The following FARP1 variants were observed in gnomAD, a reference collection of about 807,000 sequenced individuals.
The protein encoded by FARP1 is FERM, ARHGEF and pleckstrin domain-containing protein 1.
A neutral mutation model predicts 128.8 loss-of-function variants in FARP1; 52 were observed. The ratio of observed to expected loss-of-function variants is 0.40; its 90% CI spans 0.32 to 0.51. FARP1 has a LOEUF of 0.51. Ranked by LOEUF, FARP1 falls within the 20% of genes least tolerant of loss-of-function variation. The pLI is 0.45. For missense variants in FARP1, 1,333 were observed against 1,367.9 expected, an observed-to-expected ratio of 0.97 and a Z score of 0.40; for synonymous variants, 580 against 551.8, an observed-to-expected ratio of 1.05 and a Z score of -0.72.
At chr13:98,245,216 A>G in intron 2 of FARP1, 1 of 985,698 alleles carries the variant, frequency 1.0e-6, no homozygotes, top group Non-Finnish European at 1.2e-6. Context: ...AGAAATCTAC[A>G]GTAATTTTTG....
rs757091571 is a variant in FARP1 at position 98,431,025 on chromosome 13, C to T, written c.1906-18C>T. ...CCATTCAGCTGAACAGGACCCTCCT[C>T]CTCTGTTGCCTCCCAAGCACCTGGC... On this transcript the variant is annotated intron_variant, in intron 17 of 26. Transcript: ENST00000319562. The T allele has an allele frequency of 1.9e-6, 3 of 1,576,324 alleles. No individual in the cohort carries two copies. Among genetic ancestry groups the T allele is most frequent in the East Asian group, 2.2e-5 (1 of 44,706 alleles).
chr13:98,246,189 G>A (rs1242152821), intron 2 of FARP1, among the ~76,000 whole-genome samples: 1 of 144,072 alleles, frequency 6.9e-6, no homozygotes, highest in Admixed American at 7.2e-5. Context: ...CCGCCCCCTG[G>A]GGTTCACGCC....
At chr13:98,264,812 T>C (rs551690941) in intron 2 of FARP1, among the ~76,000 whole-genome samples, 14 of 152,292 alleles carry the variant, frequency 9.2e-5, no homozygotes, top group African/African-American at 3.4e-4. Flanking sequence ...ATAATAAGAA[T>C]TACTAATATC....
intron 2 of FARP1, among the ~76,000 whole-genome samples, chr13:98,283,085 GACTTTATGTGC>G (rs1339449841): frequency 6.6e-6 from 1 of 152,042 alleles, no homozygotes; most frequent in Non-Finnish European, 1.5e-5. Flanking sequence ...TATAATGAAG[GACTTTATGTGC>G]ACTTGAGCGA....
chr13:98,253,981 G>A (rs1594324884), intron 2 of FARP1, among the ~76,000 whole-genome samples: 1 of 152,158 alleles, frequency 6.6e-6, no homozygotes, highest in East Asian at 1.9e-4. Context: ...ACAAAGTGGG[G>A]CTCATCGCAT....
intron 3 of FARP1, among the ~76,000 whole-genome samples, chr13:98,344,083 A>G (rs1293367768): frequency 2.0e-5 from 3 of 152,216 alleles, no homozygotes; most frequent in Non-Finnish European, 4.4e-5. Flanking sequence ...GCCAAGGGCT[A>G]TGTATCGGCC....
At chr13:98,278,265 G>A (rs1884762524) in intron 2 of FARP1, among the ~76,000 whole-genome samples, 1 of 150,928 alleles carries the variant, frequency 6.6e-6, no homozygotes, top group South Asian at 2.1e-4. Context: ...GTGTGTGTAT[G>A]TGTATATTTT....
intron 1 of FARP1, among the ~76,000 whole-genome samples, chr13:98,200,140 G>T (rs762345553): frequency 1.3e-5 from 2 of 152,190 alleles, no homozygotes; most frequent in Non-Finnish European, 2.9e-5. Flanking sequence ...ATTGGAAAAG[G>T]CATGCCACTT....
chr13:98,153,558 T>TTATA (rs71111923), intron 1 of FARP1, among the ~76,000 whole-genome samples: 1 of 116,444 alleles, frequency 8.6e-6, no homozygotes, highest in Non-Finnish European at 1.7e-5. Context: ...AAATATATAT[T>TTATA]TATATATATT....
chr13:98,292,966 A>T (rs1235413144), intron 2 of FARP1, among the ~76,000 whole-genome samples: 1 of 152,186 alleles, frequency 6.6e-6, no homozygotes, highest in Non-Finnish European at 1.5e-5. Flanking sequence ...ACCTATTTTA[A>T]TAAGAAAATA....
intron 1 of FARP1, among the ~76,000 whole-genome samples, chr13:98,185,934 G>A (rs1878834934): frequency 6.6e-6 from 1 of 152,118 alleles, no homozygotes; most frequent in Non-Finnish European, 1.5e-5. Context: ...CTGACCTCAG[G>A]TGATCCGCCT....
chr13:98,177,441 GT>G (rs1878170355), intron 1 of FARP1, among the ~76,000 whole-genome samples: 1 of 152,096 alleles, frequency 6.6e-6, no homozygotes, highest in Non-Finnish European at 1.5e-5. Flanking sequence ...GAGGTCAGCA[GT>G]TTAAGACCAG....
intron 2 of FARP1, among the ~76,000 whole-genome samples, chr13:98,276,704 T>C (rs1884669466): frequency 6.6e-6 from 1 of 152,208 alleles, no homozygotes; most frequent in African/African-American, 2.4e-5. Context: ...TGCGATGGTT[T>C]AAATAGAAGT....
intron 1 of FARP1, among the ~76,000 whole-genome samples, chr13:98,152,565 C>G (rs1788594711): frequency 6.6e-6 from 1 of 152,166 alleles, no homozygotes; most frequent in South Asian, 2.1e-4. Context: ...TCTTGCGCAC[C>G]TGGAGCTTAG....
At chr13:98,171,938 C>T (rs190028348) in intron 1 of FARP1, among the ~76,000 whole-genome samples, 11 of 152,292 alleles carry the variant, frequency 7.2e-5, no homozygotes, top group African/African-American at 2.6e-4. Context: ...CACAGAAAAT[C>T]ACATTCAGCC....
At chr13:98,440,263 T>C (rs377197571) in intron 23 of FARP1, 28 bp downstream of exon 23, 10 of 1,526,948 alleles carry the variant, frequency 6.5e-6, no homozygotes, top group African/African-American at 2.7e-5. Flanking sequence ...AGCTTTCCCA[T>C]GCAGGGGTCT....
At chr13:98,310,981 C>G (rs56295892) in intron 2 of FARP1, among the ~76,000 whole-genome samples, 7,030 of 152,250 alleles carry the variant, frequency 0.046, 208 homozygotes, top group Middle Eastern at 0.1. Context: ...GAGCAGGAAA[C>G]AGGCTCTATC....
chr13:98,187,750 G>A (rs1562901), intron 1 of FARP1, among the ~76,000 whole-genome samples: 91,534 of 152,054 alleles, frequency 0.6, 28,355 homozygotes, highest in East Asian at 0.76. Context: ...TGCAGAAATC[G>A]TGTGGCTGTT....
intron 2 of FARP1, among the ~76,000 whole-genome samples, chr13:98,288,177 C>T (rs1194163382): frequency 5.9e-5 from 9 of 152,080 alleles, no homozygotes; most frequent in Non-Finnish European, 1.3e-4. Context: ...AGCTTAGGGT[C>T]GCTGGGGGAG....
Sources: allele counts gnomAD v4.1 joint callset (sites outside exome capture counted in the v4.1 genomes callset), GRCh38; gene constraint gnomAD v4.1.1; transcripts MANE v1.5; gene names NCBI Gene and HGNC (gene_info 2026-07-23, HGNC 2026-07-21).